Variants in CEP95 observed in about 807,000 individuals in gnomAD.
CEP95 encodes the protein centrosomal protein 95, also known as centrosomal protein of 95 kDa.
A neutral mutation model predicts 111.2 loss-of-function variants in CEP95; 98 were observed. The observed-to-expected ratio is 0.88, with a 90% CI of 0.75 to 1.04. The LOEUF (loss-of-function observed/expected upper bound fraction) is 1.04, where lower values mean the gene tolerates loss of function less well. Among genes scored for constraint, CEP95 ranks in the 50% least tolerant of loss-of-function variants. The pLI, the probability that CEP95 is intolerant of heterozygous loss-of-function variation, is 0.00. For synonymous variants in CEP95, 323 were observed against 327.1 expected (o/e 0.99, Z 0.14); for missense variants, 1,027 against 977.2 (o/e 1.05, Z -0.68).
At chr17:64,519,089 AC>A (rs1368010357) in intron 5 of CEP95, among the ~76,000 whole-genome samples, 14 of 152,132 alleles carry the variant, frequency 9.2e-5, no homozygotes, top group African/African-American at 3.4e-4. Context: ...TCACTCCCAC[AC>A]CCTAGAGTCA....
chr17:64,527,699 C>G (rs2144495591), intron 11 of CEP95, among the ~76,000 whole-genome samples: 1 of 152,082 alleles, frequency 6.6e-6, no homozygotes, highest in East Asian at 1.9e-4. Flanking sequence ...TCTTAGAAAT[C>G]TATTTATGTT....
chr17:64,510,283 TG>T lies in CEP95; in HGVS notation c.256+5del. ...GGTCAGCTTGTCTCACATAACAGGT[TG>T]GTATATGTATAACTATCACATAATT... On this transcript the variant is annotated splice_donor_region_variant and intron_variant, in intron 3 of 19. Coordinates refer to ENST00000556440, the MANE Select transcript of CEP95 (RefSeq NM_138363.3). 6.6e-7 allele frequency: 1 copy of T among 1,523,992 alleles called. No individual in the cohort carries two copies. Among genetic ancestry groups the T allele is most frequent in the Non-Finnish European group, 9.1e-7 (1 of 1,101,080 alleles). The allele number at this position is 1,523,992 out of a possible 1,614,324, so 94.4% of individuals were successfully genotyped here.
intron 19 of CEP95, 105 bp downstream of exon 19, chr17:64,537,217 C>G: frequency 6.6e-7 from 1 of 1,521,150 alleles, no homozygotes; most frequent in Non-Finnish European, 8.8e-7. Context: ...ATCATATAGC[C>G]CCGGTGTGCA....
intron 1 of CEP95, chr17:64,508,176 C>G: frequency 1.0e-6 from 1 of 985,406 alleles, no homozygotes; most frequent in Non-Finnish European, 1.2e-6. Context: ...AATACTATTG[C>G]AAGTGCGAAG....
rs1430376900 is a variant in CEP95, at chr17:64,525,899, C to T, written c.1022+17C>T. The T allele has an allele frequency of 6.5e-7, 1 of 1,531,020 alleles. No individual in the cohort carries two copies. Among genetic ancestry groups the T allele is most frequent in the Non-Finnish European group, 8.8e-7 (1 of 1,137,672 alleles). 94.8% of individuals were successfully genotyped at this position (1,531,020 alleles called of 1,614,324 possible). On this transcript the variant is annotated intron_variant, in intron 9 of 19. Transcript: ENST00000556440. ...AGGAAAAAGGTAACATTACTGCAGA[C>T]TTCAGTGTTTACAGTCTGTTTACAA...
intron 5 of CEP95, among the ~76,000 whole-genome samples, chr17:64,517,208 G>T (rs141384496): frequency 0.015 from 2,350 of 151,976 alleles, 30 homozygotes; most frequent in Non-Finnish European, 0.025. Context: ...CACCATGCCC[G>T]GCTAATTTTT....
rs782272884 is a variant in CEP95 at position 64,537,758 on chromosome 17, C to T, written c.2445C>T (p.Tyr815=). ...GGCTTCAGCTGGCTTCCTTTCAGTA[C>T]AGTAAAAGTCCCTCCCTATGAGGCC... is the stretch of plus-strand genomic sequence containing the variant. ...RSRLQLASFQ[Y]SKSPSL Residue 815 remains tyrosine, a synonymous_variant, in exon 20 of 20, where the codon TAC becomes TAT. Transcript: ENST00000556440. The T allele has an allele frequency of 2.9e-5, 47 of 1,601,524 alleles. No individual in the cohort carries two copies. The South Asian group carries it at 4.5e-4, about 15-fold the overall frequency.
chr17:64,516,688 G>A (rs1555676331), intron 4 of CEP95, 35 bp from the exon 5 acceptor site: 1 of 1,300,364 alleles, frequency 7.7e-7, no homozygotes, highest in African/African-American at 1.5e-5. Context: ...TTCACTTAGG[G>A]GTTTTTTGGT....
In CEP95 at chr17:64,519,380, CTGGTGAAATCATTAG is replaced by C. The variant is rs1240466450; in HGVS notation, c.534_548del (p.Gly179_Arg183del). 6.2e-7 allele frequency: 1 copy of C among 1,613,736 alleles called. No homozygotes were observed. Among genetic ancestry groups the C allele is most frequent in the Non-Finnish European group, 8.5e-7 (1 of 1,179,784 alleles). Reference sequence around the variant, plus strand: ...TGGGATGGAGATGAAGCAGAATCCACTGGTGAAATCATTAGACTTGGAGACACAGCACACACCTTT... The same window carrying C: ...TGGGATGGAGATGAAGCAGAATCCACACTTGGAGACACAGCACACACCTTT... On this transcript the variant is annotated inframe_deletion, in exon 6 of 20. Coordinates refer to ENST00000556440, the MANE Select transcript of CEP95 (RefSeq NM_138363.3).
intron 8 of CEP95, 53 bp downstream of exon 8, chr17:64,522,948 CTG>C (rs1439675570): frequency 3.7e-5 from 51 of 1,371,870 alleles, no homozygotes; most frequent in Admixed American, 8.2e-5. Flanking sequence ...GTATGTATGT[CTG>C]TGTGTGTGTT....
Position 64,507,011 on chromosome 17 carries a change from A to G in CEP95, c.-87A>G, listed in dbSNP as rs1305906831. On this transcript the variant is annotated 5_prime_UTR_variant, in exon 1 of 20. Transcript: ENST00000556440. ...GCTTTGGTTCGTGCGTCCGCGCCCC[A>G]GTGTCGGGTCTGCGTGGATCGGTCC... 2.0e-5 allele frequency: 30 copies of G among 1,479,152 alleles called. No homozygotes were observed. Among genetic ancestry groups the G allele is most frequent in the East Asian group, 1.7e-4 (7 of 40,638 alleles). 91.6% of individuals were successfully genotyped at this position (1,479,152 alleles called of 1,614,324 possible).
At position 64,507,108 on chromosome 17, in the gene CEP95, C is replaced by CG; in HGVS notation, c.13dup (p.Asp5GlyfsTer3). Reference sequence around the variant, plus strand: ...ACCTGCCTCTGAAACATGGCAGGCTCGGATGCTGGTGAGTGTCTCCCTGGG... The same window carrying CG: ...ACCTGCCTCTGAAACATGGCAGGCTCGGGATGCTGGTGAGTGTCTCCCTGGG... On this transcript the variant is annotated frameshift_variant, in exon 1 of 20. Transcript: ENST00000556440. LOFTEE classifies it high-confidence loss of function. 6.4e-7 allele frequency: 1 copy of CG among 1,551,446 alleles called. No homozygotes were observed.
intron 17 of CEP95, chr17:64,535,714 C>G (rs544590155): frequency 6.6e-6 from 1 of 152,260 alleles, no homozygotes; most frequent in East Asian, 1.9e-4. Flanking sequence ...TAGAGTTACC[C>G]TATGACCCAG....
At chr17:64,526,317 G>C (rs1386488392) in intron 10 of CEP95, 117 bp downstream of exon 10, 2 of 1,004,050 alleles carry the variant, frequency 2.0e-6, no homozygotes, top group Non-Finnish European at 2.8e-6. Flanking sequence ...AATAGTTACT[G>C]TGAAAATGTT....
intron 3 of CEP95, among the ~76,000 whole-genome samples, chr17:64,510,785 A>T (rs879991184): frequency 2.6e-5 from 4 of 152,220 alleles, no homozygotes; most frequent in Non-Finnish European, 5.9e-5. Flanking sequence ...TCCTGGGCTC[A>T]GCTGATCCAC....
At chr17:64,526,467 T>G (rs1253610386) in intron 10 of CEP95, among the ~76,000 whole-genome samples, 1 of 152,238 alleles carries the variant, frequency 6.6e-6, no homozygotes, top group Non-Finnish European at 1.5e-5. Context: ...TTAAGCCATT[T>G]TTCTTTAGAT....
In CEP95 at chr17:64,537,707, A is replaced by C. The variant is rs1311878920; in HGVS notation, c.2394A>C (p.Glu798Asp). The C allele has an allele frequency of 6.2e-7, 1 of 1,612,988 alleles. No homozygotes were observed. Among genetic ancestry groups the C allele is most frequent in the Non-Finnish European group, 8.5e-7 (1 of 1,179,522 alleles). ...TQNDDDVFFR[E>D]LEAERFRSRL... ...ATGATGATGATGTTTTCTTCCGGGA[A>C]CTGGAAGCTGAGCGCTTCAGATCTC... Residue 798 changes from glutamate (E) to aspartate (D), a missense_variant, in exon 20 of 20, where the codon GAA (glutamate) becomes GAC (aspartate). Physicochemically the swap from Glu to Asp is conservative, Grantham distance 45. Transcript: ENST00000556440.
chr17:64,532,943 C>T lies in CEP95; in HGVS notation c.1777C>T (p.Gln593Ter), dbSNP rs782162055. The change falls in exon 15 of 20, where the codon CAG becomes TAG. Residue 593 changes from glutamine (Q) to a stop codon, truncating the protein, a stop_gained. Coordinates refer to ENST00000556440, the MANE Select transcript of CEP95 (RefSeq NM_138363.3). LOFTEE classifies it high-confidence loss of function. ...LSKMWKQQIAQVEQLKKEACR... is the reference protein window; with the variant it reads ...LSKMWKQQIA ...CAAAATGTGGAAACAGCAAATTGCA[C>T]AGGTTGAACAGCTTAAGAAAGAAGC... The T allele has an allele frequency of 6.8e-6, 11 of 1,613,800 alleles. No individual in the cohort carries two copies. The highest frequency in any genetic ancestry group is 9.3e-6 in the Non-Finnish European group (11 of 1,179,818).
rs182937426 is a variant in CEP95, at chr17:64,528,628, C to T, written c.1307-660C>T. ...AAGCATGTGAAAAAAATAATAAGCT[C>T]GGAAAATTTATTTATAAAGGTACCA... On this transcript the variant is annotated intron_variant, in intron 11 of 19. Coordinates refer to ENST00000556440, the MANE Select transcript of CEP95 (RefSeq NM_138363.3). Among the ~76,000 whole-genome samples the T allele has an allele frequency of 3.3e-3, 499 of 152,232 alleles. 2 individuals are homozygous for T. The highest frequency in any genetic ancestry group is 6.7e-3 in the Admixed American group (102 of 15,298).
Sources: gnomAD v4.1 joint callset for allele counts (sites outside exome capture counted in the v4.1 genomes callset) on GRCh38, gnomAD v4.1.1 for gene constraint, MANE v1.5 for transcripts, NCBI Gene and HGNC (gene_info 2026-07-23, HGNC 2026-07-21) for gene names.